The following SORL1 variants were observed in gnomAD, a reference collection of about 807,000 sequenced individuals.
SORL1 encodes sortilin related receptor 1.
A neutral mutation model predicts 273.7 loss-of-function variants in SORL1; 127 were observed. The observed-to-expected ratio is 0.46, with a 90% CI of 0.40 to 0.54. The LOEUF is 0.54. SORL1 is among the 20% of genes least tolerant of loss of function. The pLI is 0.00. For synonymous variants in SORL1, 1,031 were observed against 1,067.4 expected, an observed-to-expected ratio of 0.97 and a Z score of 0.66; for missense variants, 2,494 against 2,846.1, an observed-to-expected ratio of 0.88 and a Z score of 2.81.
rs1863298796 is a variant in SORL1, at chr11:121,596,582, G to A, written c.4519+810G>A. 1.3e-5 allele frequency among the ~76,000 whole-genome samples: 2 copies of A among 152,240 alleles called. No individual in the cohort carries two copies. On this transcript the variant is annotated intron_variant, in intron 32 of 47. Coordinates refer to ENST00000260197, the MANE Select transcript of SORL1 (RefSeq NM_003105.6). The surrounding 1 kb of genome is among the most constrained non-coding windows in gnomAD (Gnocchi z 4.3). Reference sequence around the variant, plus strand: ...TGACGGTTGGGTGCTGCTCTGGCTCGGGGATCCCTGCTTTGCGGGCCTCCC... The same window carrying A: ...TGACGGTTGGGTGCTGCTCTGGCTCAGGGATCCCTGCTTTGCGGGCCTCCC...
chr11:121,529,132 TTATC>T (rs759214002), intron 11 of SORL1, among the ~76,000 whole-genome samples: 2 of 151,688 alleles, frequency 1.3e-5, no homozygotes, highest in African/African-American at 4.8e-5. Context: ...CTATCTCTCT[TTATC>T]TATTGTAATG....
At chr11:121,532,253 A>G (rs1169654551) in intron 11 of SORL1, among the ~76,000 whole-genome samples, 4 of 152,252 alleles carry the variant, frequency 2.6e-5, no homozygotes, top group Non-Finnish European at 5.9e-5. Flanking sequence ...AAATTGAGAT[A>G]CTAGAACTTG....
intron 6 of SORL1, among the ~76,000 whole-genome samples, chr11:121,508,798 C>G (rs1455955980): frequency 6.6e-6 from 1 of 152,152 alleles, no homozygotes; most frequent in Admixed American, 6.5e-5. Flanking sequence ...TTTTGCAACC[C>G]TTTATTTCAT....
chr11:121,508,407 T>C (rs557916008), intron 6 of SORL1, among the ~76,000 whole-genome samples: 2 of 152,360 alleles, frequency 1.3e-5, no homozygotes, highest in South Asian at 4.1e-4. Context: ...TAATTCCCAA[T>C]TGGTAATACT....
intron 1 of SORL1, among the ~76,000 whole-genome samples, chr11:121,458,233 T>G (rs1429964684): frequency 2.0e-5 from 3 of 152,254 alleles, no homozygotes; most frequent in Non-Finnish European, 4.4e-5. Context: ...TGAGTTTGCA[T>G]TCTTTGATCT....
chr11:121,546,791 C>T (rs2134891412), intron 14 of SORL1: 1 of 152,304 alleles, frequency 6.6e-6, no homozygotes, highest in Non-Finnish European at 1.5e-5. Context: ...CAAAAATGGC[C>T]AACCAGGTTT....
chr11:121,496,795 C>T (rs1861635434), intron 5 of SORL1, 74 bp from the exon 6 acceptor site: 2 of 1,269,966 alleles, frequency 1.6e-6, no homozygotes, highest in Non-Finnish European at 2.2e-6. Context: ...AGTTGATTAT[C>T]CCATTGCAAA....
chr11:121,515,907 A>G (rs1478406248), intron 8 of SORL1, among the ~76,000 whole-genome samples: 1 of 152,216 alleles, frequency 6.6e-6, no homozygotes, highest in Admixed American at 6.5e-5. Flanking sequence ...TTGGACTCCC[A>G]AAGTGCTGGG....
chr11:121,628,119 A>C (rs1863825148), intron 47 of SORL1, among the ~76,000 whole-genome samples: 1 of 152,144 alleles, frequency 6.6e-6, no homozygotes, highest in Non-Finnish European at 1.5e-5. Context: ...ATCCTAACTC[A>C]AGATAAAAAA....
rs754566858 is a variant in SORL1 at position 121,567,053 on chromosome 11, G to C, written c.3163G>C (p.Asp1055His). Residue 1055 changes from aspartate (D) to histidine (H), a missense_variant, in exon 22 of 48, where the codon GAC (aspartate) becomes CAC (histidine). Physicochemically the swap from Asp to His is moderately conservative, Grantham distance 81. Transcript: ENST00000260197. ...GTCCAGCAGTGTGCTTCCATCAGGGGACCTGATGTGTGACTGCCCTCAGGG... is the reference window on the plus strand; with the variant it reads ...GTCCAGCAGTGTGCTTCCATCAGGGCACCTGATGTGTGACTGCCCTCAGGG... ...DVSSSVLPSG[D>H]LMCDCPQGYQ... The C allele has an allele frequency of 6.2e-7, 1 of 1,613,772 alleles. No individual in the cohort carries two copies.
chr11:121,565,561 G>T (rs3781832), intron 21 of SORL1, among the ~76,000 whole-genome samples: 25,211 of 152,106 alleles, frequency 0.17, 2,426 homozygotes, highest in East Asian at 0.29. Context: ...CTGAAGTGTG[G>T]GAGGGCATCT....
chr11:121,601,713 G>T (rs889376246), intron 32 of SORL1, among the ~76,000 whole-genome samples: 5 of 151,676 alleles, frequency 3.3e-5, no homozygotes, highest in Non-Finnish European at 7.4e-5. Context: ...ACCGCACCCA[G>T]CTTACTTCCA....
chr11:121,560,753 T>C (rs540642883), intron 21 of SORL1, among the ~76,000 whole-genome samples: 1 of 152,338 alleles, frequency 6.6e-6, no homozygotes, highest in South Asian at 2.1e-4. Flanking sequence ...GTCTTACAAA[T>C]GTAAGACGAT....
In SORL1 at chr11:121,550,607, A is replaced by G; in HGVS notation, c.2203A>G (p.Thr735Ala). The G allele has an allele frequency of 1.2e-6, 2 of 1,614,098 alleles. No individual in the cohort carries two copies. Among genetic ancestry groups the G allele is most frequent in the South Asian group, 1.1e-5 (1 of 91,076 alleles). ...TRGYRKISGD[T>A]CSGGDVEARL... ...CAGCTACCGGAAGATTTCTGGGGAC[A>G]CTTGTAGCGGAGGAGATGTTGAAGC... Residue 735 changes from threonine to alanine, a missense_variant, in exon 16 of 48, where the codon ACT becomes GCT. By Grantham distance (58) the Thr-to-Ala change is moderately conservative. Around this residue, in one of 3 missense-constraint regions of SORL1, gnomAD observed 710 missense variants for 882.5 expected, o/e 0.80. Transcript: ENST00000260197. This position sits in a 1 kb window ranked among gnomAD's most constrained non-coding sequence, Gnocchi z 5.3.
rs939391796 is a variant in SORL1, at chr11:121,596,535, G to GC, written c.4519+769dup. Among the ~76,000 whole-genome samples the GC allele has an allele frequency of 1.3e-5, 2 of 152,196 alleles. No individual in the cohort carries two copies. Among genetic ancestry groups the GC allele is most frequent in the African/African-American group, 4.8e-5 (2 of 41,462 alleles). On this transcript the variant is annotated intron_variant, in intron 32 of 47. Transcript: ENST00000260197. The surrounding 1 kb of genome is among the most constrained non-coding windows in gnomAD (Gnocchi z 4.3). ...GGCATGGCTGGACGGTGCTTATGCA[G>GC]CCCCCCACCGGCCTGCCTCTCTGAC...
At chr11:121,582,772 G>A (rs765176501) in intron 25 of SORL1, among the ~76,000 whole-genome samples, 20 of 152,212 alleles carry the variant, frequency 1.3e-4, no homozygotes, top group Non-Finnish European at 2.5e-4. Flanking sequence ...ACAATTTCAA[G>A]TTCTTAGGCC....
chr11:121,488,906 A>G (rs951847360), intron 4 of SORL1, among the ~76,000 whole-genome samples: 1 of 152,214 alleles, frequency 6.6e-6, no homozygotes, highest in Non-Finnish European at 1.5e-5. Flanking sequence ...TGTTTAACCA[A>G]AACACAGATC....
At position 121,596,474 on chromosome 11, in the gene SORL1, G is replaced by A. The variant is rs955788988; in HGVS notation, c.4519+702G>A. Among the ~76,000 whole-genome samples the A allele has an allele frequency of 2.0e-5, 3 of 152,198 alleles. No homozygotes were observed. Among genetic ancestry groups the A allele is most frequent in the Non-Finnish European group, 2.9e-5 (2 of 68,024 alleles). Reference sequence around the variant, plus strand: ...TCCCTGGCTGCACGCTAATGCCGCCGTTGGCTGGTCTGTCCTACTGTAGCA... The same window carrying A: ...TCCCTGGCTGCACGCTAATGCCGCCATTGGCTGGTCTGTCCTACTGTAGCA... On this transcript the variant is annotated intron_variant, in intron 32 of 47. Transcript: ENST00000260197. The surrounding 1 kb of genome is among the most constrained non-coding windows in gnomAD (Gnocchi z 4.3).
At chr11:121,626,669 T>G (rs1055389393) in intron 46 of SORL1, 1 of 152,262 alleles carries the variant, frequency 6.6e-6, no homozygotes, top group East Asian at 1.9e-4. Context: ...ACCCTGAGCC[T>G]GTTGAGGCTC....
Sources: gnomAD v4.1 joint callset for allele counts (sites outside exome capture counted in the v4.1 genomes callset) on GRCh38, gnomAD v4.1.1 for gene constraint, gnomAD v4.1.1 regional missense constraint, Gnocchi (gnomAD v3.1) non-coding constraint, MANE v1.5 for transcripts, NCBI Gene and HGNC (gene_info 2026-07-23, HGNC 2026-07-21) for gene names.